EYS: variants seen among roughly 807,000 people sequenced by gnomAD.
EYS encodes EGF-like photoreceptor maintenance factor, also known as protein eyes shut homolog.
In EYS, 250 loss-of-function variants were observed where a neutral mutation model predicts 282.1. The observed-to-expected ratio is 0.89, with a 90% CI of 0.80 to 0.98. The LOEUF is 0.98. EYS is among the 50% of genes least tolerant of loss of function. EYS has a pLI of 0.00. For synonymous variants in EYS, 1,355 were observed against 1,282.9 expected, an observed-to-expected ratio of 1.06 and a Z score of -1.20; for missense variants, 4,016 against 3,709.0, an observed-to-expected ratio of 1.08 and a Z score of -2.15.
intron 33 of EYS, among the ~76,000 whole-genome samples, chr6:64,001,308 A>G (rs1211075679): frequency 6.6e-6 from 1 of 152,218 alleles, no homozygotes; most frequent in Non-Finnish European, 1.5e-5. Flanking sequence ...CTAGACAGGG[A>G]TCTCTAAGGA....
At chr6:65,050,634 A>C (rs184284800) in intron 13 of EYS, among the ~76,000 whole-genome samples, 111 of 151,752 alleles carry the variant, frequency 7.3e-4, no homozygotes, top group African/African-American at 2.3e-3. Context: ...ATACTCCAAG[A>C]ATCTTTAGTA....
intron 14 of EYS, among the ~76,000 whole-genome samples, chr6:64,959,043 A>G (rs1769823843): frequency 1.3e-5 from 2 of 152,170 alleles, no homozygotes; most frequent in African/African-American, 4.8e-5. Flanking sequence ...GCTGGCTGAT[A>G]GACTACCTGC....
At chr6:63,996,627 G>C (rs1049936634) in intron 34 of EYS, among the ~76,000 whole-genome samples, 10 of 152,058 alleles carry the variant, frequency 6.6e-5, no homozygotes, top group Non-Finnish European at 1.0e-4. Flanking sequence ...TTGGTTAAAA[G>C]CATGGACTAT....
intron 30 of EYS, among the ~76,000 whole-genome samples, chr6:64,292,084 A>G (rs1044173012): frequency 6.6e-6 from 1 of 152,152 alleles, no homozygotes; most frequent in Non-Finnish European, 1.5e-5. Flanking sequence ...TTATGTCAGT[A>G]GTAAGCAACA....
chr6:65,565,850 A>G (rs1769261498), intron 2 of EYS, among the ~76,000 whole-genome samples: 1 of 152,148 alleles, frequency 6.6e-6, no homozygotes, highest in Non-Finnish European at 1.5e-5. Context: ...ACACAGGAAC[A>G]GAAAACCAAA....
chr6:64,352,967 TG>T (rs2150404274), intron 29 of EYS, among the ~76,000 whole-genome samples: 1 of 151,646 alleles, frequency 6.6e-6, no homozygotes, highest in South Asian at 2.1e-4. Context: ...AACAACTATT[TG>T]TTGGGTCTTA....
chr6:65,367,030 G>A (rs977972238), intron 8 of EYS, among the ~76,000 whole-genome samples: 2 of 151,508 alleles, frequency 1.3e-5, no homozygotes, highest in African/African-American at 2.4e-5. Context: ...TATCTTCAAC[G>A]TATCTGCAAA....
At chr6:63,944,683 C>A (rs775217475) in intron 35 of EYS, among the ~76,000 whole-genome samples, 2 of 152,018 alleles carry the variant, frequency 1.3e-5, no homozygotes, top group African/African-American at 2.4e-5. Context: ...AATCCTAGCA[C>A]TTTGGGAGGC....
At chr6:64,137,456 T>C (rs1774199999) in intron 31 of EYS, among the ~76,000 whole-genome samples, 1 of 152,168 alleles carries the variant, frequency 6.6e-6, no homozygotes, top group Non-Finnish European at 1.5e-5. Flanking sequence ...CAACATGCCT[T>C]CCTCACGATG....
At chr6:64,648,363 C>T (rs999612006) in intron 22 of EYS, among the ~76,000 whole-genome samples, 4 of 152,098 alleles carry the variant, frequency 2.6e-5, no homozygotes, top group African/African-American at 9.7e-5. Flanking sequence ...TCCTACCTAG[C>T]CATGAAAGCA....
At chr6:64,219,004 G>C (rs747235924) in intron 31 of EYS, among the ~76,000 whole-genome samples, 2 of 152,164 alleles carry the variant, frequency 1.3e-5, no homozygotes, top group Non-Finnish European at 2.9e-5. Context: ...AGAGTTTGCA[G>C]GATATTAGCT....
At chr6:64,468,534 G>A (rs537291647) in intron 26 of EYS, among the ~76,000 whole-genome samples, 2 of 152,260 alleles carry the variant, frequency 1.3e-5, no homozygotes, top group South Asian at 2.1e-4. Flanking sequence ...TCAGGGGTAC[G>A]TGTGCAAGTT....
chr6:65,543,208 G>T (rs1440512457), intron 2 of EYS, among the ~76,000 whole-genome samples: 1 of 119,796 alleles, frequency 8.3e-6, no homozygotes, highest in Non-Finnish European at 1.7e-5. Context: ...TAGTAGAGAC[G>T]GGATTTCACC....
chr6:65,585,746 A>C (rs189000004), intron 2 of EYS, among the ~76,000 whole-genome samples: 264 of 152,022 alleles, frequency 1.7e-3, no homozygotes, highest in Middle Eastern at 6.8e-3. Context: ...AATGAGTTTT[A>C]CCTAGAAAAG....
At chr6:64,295,114 C>T (rs1406626616) in intron 30 of EYS, among the ~76,000 whole-genome samples, 1 of 151,394 alleles carries the variant, frequency 6.6e-6, no homozygotes, top group Non-Finnish European at 1.5e-5. Context: ...GTGGCTCACG[C>T]CTGTAACCCC....
rs138730038 is a variant in EYS at position 64,029,906 on chromosome 6, G to A, written c.6726-30723C>T. 5.6e-4 allele frequency among the ~76,000 whole-genome samples: 85 copies of A among 152,356 alleles called. 2 individuals carry two copies. The East Asian group carries it at 0.011, about 20-fold the overall frequency. ...ATGCTGCAATATGGAAAGAGAGGGA[G>A]TTCCTAACCTCTGGGGGAGCCCCCA... is the stretch of plus-strand genomic sequence containing the variant. On this transcript the variant is annotated intron_variant, in intron 33 of 42. Coordinates refer to ENST00000503581, the MANE Select transcript of EYS (RefSeq NM_001142800.2).
At chr6:65,451,594 A>C (rs565922484) in intron 5 of EYS, among the ~76,000 whole-genome samples, 1 of 152,182 alleles carries the variant, frequency 6.6e-6, no homozygotes, top group South Asian at 2.1e-4. Flanking sequence ...CAGTATTGTC[A>C]CATTTTAAAC....
intron 12 of EYS, among the ~76,000 whole-genome samples, chr6:65,115,883 G>A (rs1277143305): frequency 6.6e-6 from 1 of 151,956 alleles, no homozygotes; most frequent in Non-Finnish European, 1.5e-5. Context: ...ACATGTTTCT[G>A]ACTTCCAACA....
intron 32 of EYS, among the ~76,000 whole-genome samples, chr6:64,075,922 C>T (rs932269216): frequency 6.6e-6 from 1 of 151,842 alleles, no homozygotes; most frequent in Admixed American, 6.6e-5. Flanking sequence ...CTATGTGGCC[C>T]ATGGACCAAA....
Sources: gnomAD v4.1 joint callset for allele counts (sites outside exome capture counted in the v4.1 genomes callset) on GRCh38, gnomAD v4.1.1 for gene constraint, MANE v1.5 for transcripts, NCBI Gene and HGNC (gene_info 2026-07-23, HGNC 2026-07-21) for gene names.